Variants in AGMO observed in about 807,000 individuals in gnomAD.
The protein encoded by AGMO is alkylglycerol monooxygenase.
Under a neutral mutation model 60.2 loss-of-function variants are expected in AGMO, and 75 were observed. The ratio of observed to expected loss-of-function variants is 1.25; its 90% CI spans 1.03 to 1.51. AGMO has a LOEUF of 1.51. Ranked by LOEUF, AGMO falls within the 40% of genes most tolerant of loss-of-function variation. The probability of loss-of-function intolerance (pLI) is 0.00; values close to 1 mark genes in which losing one functional copy is unlikely to be tolerated. For synonymous variants in AGMO, 261 were observed against 177.1 expected, an observed-to-expected ratio of 1.47 and a Z score of -3.76; for missense variants, 763 against 525.5, an observed-to-expected ratio of 1.45 and a Z score of -4.42.
chr7:15,526,846 G>A (rs1487873305), intron 3 of AGMO, among the ~76,000 whole-genome samples: 1 of 152,052 alleles, frequency 6.6e-6, no homozygotes, highest in Non-Finnish European at 1.5e-5. Context: ...TCACACACTG[G>A]TAATTCACAC....
downstream of AGMO, among the ~76,000 whole-genome samples, chr7:15,196,388 G>C (rs968833933): frequency 6.6e-6 from 1 of 152,124 alleles, no homozygotes; most frequent in African/African-American, 2.4e-5. Context: ...ATGATCTCAT[G>C]TGAAACAGAA....
chr7:15,196,522 T>C (rs1750537199), downstream of AGMO, among the ~76,000 whole-genome samples: 1 of 152,208 alleles, frequency 6.6e-6, no homozygotes, highest in South Asian at 2.1e-4. Flanking sequence ...TTTCTAAAAC[T>C]TGACAGGAGG....
At chr7:15,390,602 A>T in intron 8 of AGMO, 69 bp downstream of exon 8, 1 of 1,269,016 alleles carries the variant, frequency 7.9e-7, no homozygotes, top group Non-Finnish European at 1.1e-6. Flanking sequence ...TCTACAGCTG[A>T]TTTTTCTCTT....
At chr7:15,524,325 A>T (rs201303140) in intron 3 of AGMO, among the ~76,000 whole-genome samples, 37 of 152,270 alleles carry the variant, frequency 2.4e-4, no homozygotes, top group East Asian at 1.3e-3. Flanking sequence ...TAGATTTTTT[A>T]AAATCATGAT....
chr7:15,198,066 G>A (rs1781164452), downstream of AGMO, among the ~76,000 whole-genome samples: 1 of 152,102 alleles, frequency 6.6e-6, no homozygotes, highest in Admixed American at 6.5e-5. Context: ...TTAAACAAAT[G>A]CTCCTTTCCT....
At chr7:15,391,046 T>C (rs886926647) in intron 6 of AGMO, 141 bp from the exon 7 acceptor site, 1 of 563,436 alleles carries the variant, frequency 1.8e-6, no homozygotes, top group Non-Finnish European at 3.1e-6. Context: ...TTCTCATTTA[T>C]AACATCAGAT....
chr7:15,280,450 G>A (rs1480081379), intron 12 of AGMO, among the ~76,000 whole-genome samples: 1 of 152,212 alleles, frequency 6.6e-6, no homozygotes, highest in Non-Finnish European at 1.5e-5. Context: ...TGCCCTGGAA[G>A]CAGAAAGCCA....
At chr7:15,455,885 C>T (rs1186415286) in intron 3 of AGMO, among the ~76,000 whole-genome samples, 3 of 151,974 alleles carry the variant, frequency 2.0e-5, no homozygotes, top group Non-Finnish European at 4.4e-5. Flanking sequence ...GCATTTAAGT[C>T]GAGATTTTTG....
At chr7:15,311,014 C>G (rs1199417885) in intron 12 of AGMO, among the ~76,000 whole-genome samples, 1 of 152,076 alleles carries the variant, frequency 6.6e-6, no homozygotes, top group Non-Finnish European at 1.5e-5. Flanking sequence ...TGAGGCCCAC[C>G]TGGACAATGT....
chr7:15,426,538 C>T (rs566096572), intron 4 of AGMO, among the ~76,000 whole-genome samples: 1 of 152,140 alleles, frequency 6.6e-6, no homozygotes, highest in African/African-American at 2.4e-5. Flanking sequence ...CACTTGAGGC[C>T]AGCAGTTGAA....
At chr7:15,466,382 T>G (rs4721442) in intron 3 of AGMO, among the ~76,000 whole-genome samples, 32,302 of 151,976 alleles carry the variant, frequency 0.21, 4,436 homozygotes, top group East Asian at 0.61. Context: ...AAGACAAGCA[T>G]TAATTTAATG....
At chr7:15,343,158 A>G (rs751879263) in intron 12 of AGMO, among the ~76,000 whole-genome samples, 4 of 152,166 alleles carry the variant, frequency 2.6e-5, no homozygotes, top group African/African-American at 9.7e-5. Context: ...GTTCAATTGT[A>G]TATTGGTGTG....
chr7:15,172,820 G>A, the AGMO span, among the ~76,000 whole-genome samples: 3 of 152,122 alleles, frequency 2.0e-5, no homozygotes, highest in East Asian at 3.9e-4. Context: ...TGTGGGGAGA[G>A]CTCATGGAAG....
At chr7:15,367,199 A>AC (rs2128562333) in intron 10 of AGMO, among the ~76,000 whole-genome samples, 1 of 152,096 alleles carries the variant, frequency 6.6e-6, no homozygotes, top group African/African-American at 2.4e-5. Flanking sequence ...ATTAAAGGGT[A>AC]CAGTTGCATA....
the AGMO span, among the ~76,000 whole-genome samples, chr7:15,194,980 G>C: frequency 6.6e-6 from 1 of 152,176 alleles, no homozygotes; most frequent in Admixed American, 6.5e-5. Context: ...GTCTCTGAAA[G>C]GGATGTGTTG....
intron 3 of AGMO, among the ~76,000 whole-genome samples, chr7:15,462,732 C>T (rs769159347): frequency 6.6e-6 from 1 of 151,854 alleles, no homozygotes; most frequent in Non-Finnish European, 1.5e-5. Context: ...GCTAAAATGC[C>T]CTATATGAAA....
chr7:15,379,100 C>G (rs1247776206), intron 10 of AGMO, among the ~76,000 whole-genome samples: 1 of 152,086 alleles, frequency 6.6e-6, no homozygotes, highest in Non-Finnish European at 1.5e-5. Context: ...ATACCAGAAT[C>G]TCTAGGACAC....
At chr7:15,170,032 G>T in the AGMO span, among the ~76,000 whole-genome samples, 2 of 152,210 alleles carry the variant, frequency 1.3e-5, no homozygotes, top group Admixed American at 6.5e-5. Context: ...ACAGTTACCT[G>T]AGTTGACTCA....
At chr7:15,378,747 A>G (rs975578598) in intron 10 of AGMO, among the ~76,000 whole-genome samples, 10 of 151,726 alleles carry the variant, frequency 6.6e-5, no homozygotes, top group Admixed American at 2.6e-4. Context: ...AAAATTCTAT[A>G]GTGCCTTTCT....
Sources: gnomAD v4.1 joint callset for allele counts (sites outside exome capture counted in the v4.1 genomes callset) on GRCh38, gnomAD v4.1.1 for gene constraint, MANE v1.5 for transcripts, NCBI Gene and HGNC (gene_info 2026-07-23, HGNC 2026-07-21) for gene names.